ARHGEF10: variants seen among roughly 807,000 people sequenced by gnomAD.
The protein encoded by ARHGEF10 is Rho guanine nucleotide exchange factor (GEF) 10.
In ARHGEF10, 140 loss-of-function variants were observed where a neutral mutation model predicts 147.4. That is an observed-to-expected ratio of 0.95 (90% CI 0.83 to 1.09). The LOEUF (loss-of-function observed/expected upper bound fraction) is 1.09, where lower values mean the gene tolerates loss of function less well. ARHGEF10 is among the 50% of genes least tolerant of loss of function. The pLI is 0.00. For missense variants in ARHGEF10, 2,222 were observed against 1,752.7 expected (o/e 1.27, Z -4.78); for synonymous variants, 902 against 695.8 (o/e 1.30, Z -4.67).
chr8:1,849,405 G>A (rs1381451932), intron 2 of ARHGEF10, among the ~76,000 whole-genome samples: 7 of 151,812 alleles, frequency 4.6e-5, no homozygotes, highest in African/African-American at 1.7e-4. Flanking sequence ...GAGGGCGTGG[G>A]CCGGCCGCGT....
At chr8:1,945,739 G>C (rs1275454579) in intron 27 of ARHGEF10, 84 bp downstream of exon 27, 1 of 1,562,514 alleles carries the variant, frequency 6.4e-7, no homozygotes, top group Non-Finnish European at 8.8e-7. Flanking sequence ...GCCCACCTTA[G>C]CGCTTCCCAG....
At chr8:1,920,367 G>A (rs1356617698) in intron 18 of ARHGEF10, among the ~76,000 whole-genome samples, 1 of 152,168 alleles carries the variant, frequency 6.6e-6, no homozygotes, top group African/African-American at 2.4e-5. Flanking sequence ...TGGATGCCCA[G>A]GCTGGAGTGC....
At chr8:1,848,063 C>T (rs1263681646) in intron 2 of ARHGEF10, among the ~76,000 whole-genome samples, 1 of 152,242 alleles carries the variant, frequency 6.6e-6, no homozygotes, top group Non-Finnish European at 1.5e-5. Flanking sequence ...CTCTCCCACT[C>T]AGGGTGCTGG....
chr8:1,898,657 A>G, intron 15 of ARHGEF10, 132 bp downstream of exon 15: 1 of 936,440 alleles, frequency 1.1e-6, no homozygotes, highest in South Asian at 1.4e-5. Flanking sequence ...AGGCAGTTAC[A>G]GGAGGTGGAG....
At chr8:1,823,503 G>A (rs1802526864), upstream of ARHGEF10, among the ~76,000 whole-genome samples, 1 of 152,140 alleles carries the variant, frequency 6.6e-6, no homozygotes, top group African/African-American at 2.4e-5. Flanking sequence ...TCAGCCCGTG[G>A]GGGTCCGCAG....
At chr8:1,911,771 C>T (rs11136440) in intron 18 of ARHGEF10, among the ~76,000 whole-genome samples, 18,470 of 152,190 alleles carry the variant, frequency 0.12, 1,233 homozygotes, top group African/African-American at 0.17. Context: ...TCACTCTGCT[C>T]ATCTCAGCTC....
intron 7 of ARHGEF10, among the ~76,000 whole-genome samples, chr8:1,873,511 T>TGCG (rs1807332711): frequency 2.2e-4 from 11 of 49,596 alleles, no homozygotes; most frequent in African/African-American, 3.0e-4. Context: ...ATTTCCTCGT[T>TGCG]TGAGAGGCGC....
chr8:1,898,876 C>T (rs1360754676), intron 15 of ARHGEF10, among the ~76,000 whole-genome samples: 1 of 152,164 alleles, frequency 6.6e-6, no homozygotes, highest in East Asian at 1.9e-4. Context: ...GTCACAGCTC[C>T]CTTCTCCAGT....
intron 1 of ARHGEF10, among the ~76,000 whole-genome samples, chr8:1,831,416 G>C (rs1803093816): frequency 6.6e-6 from 1 of 151,590 alleles, no homozygotes; most frequent in African/African-American, 2.4e-5. Flanking sequence ...TGTGATGGCT[G>C]TGGAGAGACA....
chr8:1,885,789 G>A, intron 11 of ARHGEF10, 82 bp downstream of exon 11: 1 of 1,138,920 alleles, frequency 8.8e-7, no homozygotes, highest in Non-Finnish European at 1.3e-6. Flanking sequence ...GATGCTGGTT[G>A]GTAAATATTT....
intron 26 of ARHGEF10, among the ~76,000 whole-genome samples, chr8:1,941,437 ATCAT>A (rs879753062): frequency 1.3e-5 from 2 of 152,248 alleles, no homozygotes; most frequent in Non-Finnish European, 2.9e-5. Context: ...ACTACAAGAC[ATCAT>A]TCAGAGAAAT....
intron 22 of ARHGEF10, 77 bp from the exon 23 acceptor site, chr8:1,926,300 C>G (rs1812686328): frequency 8.6e-6 from 10 of 1,165,232 alleles, no homozygotes; most frequent in South Asian, 1.2e-5. Flanking sequence ...AGTAAGTCAT[C>G]CATTTAAGAC....
rs114312419 is a variant in ARHGEF10 at position 1,883,540 on chromosome 8, C to T, written c.1075+791C>T. Among the ~76,000 whole-genome samples, 1,331 of 152,222 alleles carry T rather than the reference C, an allele frequency of 8.7e-3. 16 individuals are homozygous for T. The highest frequency in any genetic ancestry group is 0.029 in the African/African-American group (1,223 of 41,534). ...GTCCCTCAAGGAACGGCCTCGGATACGATGTGTAATTGGTATGACATGGTG... is the reference window on the plus strand; with the variant it reads ...GTCCCTCAAGGAACGGCCTCGGATATGATGTGTAATTGGTATGACATGGTG... On this transcript the variant is annotated intron_variant, in intron 10 of 28. Transcript: ENST00000349830.
intron 9 of ARHGEF10, among the ~76,000 whole-genome samples, chr8:1,881,532 A>T (rs1027354130): frequency 6.6e-6 from 1 of 152,098 alleles, no homozygotes; most frequent in African/African-American, 2.4e-5. Context: ...ACATGGTCCC[A>T]TGTGGGGTTG....
intron 5 of ARHGEF10, among the ~76,000 whole-genome samples, chr8:1,864,785 A>G (rs2129084516): frequency 6.6e-6 from 1 of 152,356 alleles, no homozygotes; most frequent in African/African-American, 2.4e-5. Flanking sequence ...AACCGCCTGC[A>G]GGCGGGTGGG....
Position 1,945,780 on chromosome 8 carries a change from G to A in ARHGEF10, c.3397+125G>A, listed in dbSNP as rs113514810. 2.1e-5 allele frequency: 30 copies of A among 1,412,014 alleles called. No homozygotes were observed. In the African/African-American group the frequency reaches 2.3e-4, roughly 11 times the overall value. The allele number at this position is 1,412,014 out of a possible 1,614,324, so 87.5% of individuals were successfully genotyped here. On this transcript the variant is annotated intron_variant, in intron 27 of 28. Coordinates refer to ENST00000349830, the MANE Select transcript of ARHGEF10 (RefSeq NM_014629.4). ...GACACTGTTCACAACATGCTGCCAG[G>A]TAATGGGGTGGGACAAGGCCCAGGG...
rs115685119 is a variant in ARHGEF10, at chr8:1,947,768, C to T, written c.3397+2113C>T. ...CCCCCGCACTGTCCCCATACCCCAC[C>T]CCGCTGTCAGCTGCCTCTCCCGCCC... On this transcript the variant is annotated intron_variant, in intron 27 of 28. Coordinates refer to ENST00000349830, the MANE Select transcript of ARHGEF10 (RefSeq NM_014629.4). Among the ~76,000 whole-genome samples, 24 of 149,924 alleles carry T rather than the reference C, an allele frequency of 1.6e-4. No homozygotes were observed. In the East Asian group the frequency reaches 4.4e-3, roughly 27 times the overall value.
chr8:1,907,084 G>A (rs1409648256), intron 17 of ARHGEF10, among the ~76,000 whole-genome samples: 1 of 152,196 alleles, frequency 6.6e-6, no homozygotes, highest in South Asian at 2.1e-4. Context: ...ACGGAGTGAG[G>A]CCGTGGGAGG....
intron 18 of ARHGEF10, among the ~76,000 whole-genome samples, chr8:1,912,295 C>A (rs951681120): frequency 3.3e-5 from 5 of 152,280 alleles, no homozygotes; most frequent in Admixed American, 1.3e-4. Flanking sequence ...CTCGCCGTCC[C>A]TGCAAAGGCG....
Sources: gnomAD v4.1 joint callset for allele counts (sites outside exome capture counted in the v4.1 genomes callset) on GRCh38, gnomAD v4.1.1 for gene constraint, MANE v1.5 for transcripts, NCBI Gene and HGNC (gene_info 2026-07-23, HGNC 2026-07-21) for gene names.